The following THOC5 variants were observed in gnomAD, a reference collection of about 807,000 sequenced individuals.
THOC5 encodes the protein Fms-interacting protein.
In THOC5, 43 loss-of-function variants were observed where a neutral mutation model predicts 92.9. That is an observed-to-expected ratio of 0.46 (90% CI 0.36 to 0.60). The LOEUF (loss-of-function observed/expected upper bound fraction) is 0.60. THOC5 is among the 20% of genes least tolerant of loss of function. The pLI is 0.00. For synonymous variants in THOC5, 296 were observed against 320.1 expected, an observed-to-expected ratio of 0.92 and a Z score of 0.80; for missense variants, 659 against 849.4, an observed-to-expected ratio of 0.78 and a Z score of 2.79.
chr22:29,528,166 T>C lies in THOC5; in HGVS notation c.978A>G (p.Arg326=). The change falls in exon 11 of 20, where the codon AGA becomes AGG. Residue 326 remains arginine, a synonymous_variant. Coordinates refer to ENST00000490103, the MANE Select transcript of THOC5 (RefSeq NM_003678.5). ...AEEEQTTKRR[R]PTLGVQLDDK... The stretch of plus-strand genomic sequence containing the variant: ...CGTCCAACTGAACCCCCAGTGTGGG[T>C]CTCCGGCGCTTCTGGACAAAGGAAA... 10 of 1,614,058 alleles carry C rather than the reference T, an allele frequency of 6.2e-6. No individual in the cohort carries two copies. The highest frequency in any genetic ancestry group is 8.5e-6 in the Non-Finnish European group (10 of 1,180,020).
At chr22:29,511,514 CAT>C (rs2063221940) in intron 18 of THOC5, 2 of 542,404 alleles carry the variant, frequency 3.7e-6, no homozygotes, top group Non-Finnish European at 6.5e-6. Flanking sequence ...TTCCCTGCCT[CAT>C]ATGCCCACAG....
At chr22:29,525,136 C>T (rs2063518380) in intron 12 of THOC5, among the ~76,000 whole-genome samples, 1 of 152,074 alleles carries the variant, frequency 6.6e-6, no homozygotes, top group Admixed American at 6.6e-5. Context: ...GTCAGCCAGG[C>T]ATGGTGGCAT....
intron 12 of THOC5, 145 bp downstream of exon 12, chr22:29,525,693 A>AC (rs2063528434): frequency 3.7e-6 from 2 of 547,884 alleles, no homozygotes; most frequent in Non-Finnish European, 6.6e-6. Context: ...ATGTGCCAGG[A>AC]CTTCTGGTCC....
In THOC5 at chr22:29,528,856, T is replaced by G. The variant is rs2063596954; in HGVS notation, c.925+306A>C. 1.2e-5 allele frequency: 6 copies of G among 503,266 alleles called. No homozygotes were observed. The Admixed American group carries it at 2.2e-4, about 18-fold the overall frequency. The allele number at this position is 503,266 out of a possible 1,614,324, so 31.2% of individuals were successfully genotyped here. Reference sequence around the variant, plus strand: ...AAGGCTGTATGTGCATTACCTTATTTAATCCACATAACAATCCTACATGAG... The same window carrying G: ...AAGGCTGTATGTGCATTACCTTATTGAATCCACATAACAATCCTACATGAG... On this transcript the variant is annotated intron_variant, in intron 9 of 19. Transcript: ENST00000490103.
chr22:29,524,148 A>G (rs1308436185), intron 12 of THOC5, among the ~76,000 whole-genome samples: 4 of 152,194 alleles, frequency 2.6e-5, no homozygotes, highest in Admixed American at 6.5e-5. Flanking sequence ...TTTGGGGGTC[A>G]GGGCCCACCT....
At chr22:29,549,185 T>C (rs1354170357) in intron 1 of THOC5, 27 bp from the exon 2 acceptor site, 29 of 1,604,358 alleles carry the variant, frequency 1.8e-5, no homozygotes, top group Non-Finnish European at 2.5e-5. Context: ...GTTTTTGAGA[T>C]TCTTCTGGAG....
At chr22:29,529,397 C>A (rs937947153) in intron 8 of THOC5, among the ~76,000 whole-genome samples, 158 bp from the exon 9 acceptor site, 3 of 152,218 alleles carry the variant, frequency 2.0e-5, no homozygotes, top group Admixed American at 1.3e-4. Context: ...TGAAGGGAAA[C>A]AAGGTGGGAC....
At chr22:29,526,484 A>T (rs1464586982) in intron 11 of THOC5, among the ~76,000 whole-genome samples, 1 of 152,136 alleles carries the variant, frequency 6.6e-6, no homozygotes, top group East Asian at 1.9e-4. Context: ...GTGAGCAGAG[A>T]TCACGCCACT....
chr22:29,529,295 T>A, intron 8 of THOC5, 56 bp from the exon 9 acceptor site: 1 of 1,584,812 alleles, frequency 6.3e-7, no homozygotes, highest in Non-Finnish European at 8.7e-7. Flanking sequence ...TGCTAAGCAG[T>A]GTGAGTAGGC....
intron 17 of THOC5, among the ~76,000 whole-genome samples, chr22:29,515,586 G>C (rs966120000): frequency 6.6e-6 from 1 of 151,662 alleles, no homozygotes; most frequent in Non-Finnish European, 1.5e-5. Flanking sequence ...CAGCACTTTG[G>C]GAGGCCGAGT....
intron 8 of THOC5, among the ~76,000 whole-genome samples, chr22:29,530,211 G>A (rs574384001): frequency 6.6e-6 from 1 of 151,820 alleles, no homozygotes; most frequent in South Asian, 2.1e-4. Context: ...GCTGATGCTT[G>A]TAATTTTAAT....
At position 29,520,995 on chromosome 22, in the gene THOC5, C is replaced by T. The variant is rs1348041763; in HGVS notation, c.1277+3G>A. 1 of 1,612,848 alleles carries T rather than the reference C, an allele frequency of 6.2e-7. No homozygotes were observed. Among genetic ancestry groups the T allele is most frequent in the Admixed American group, 1.7e-5 (1 of 59,992 alleles). On this transcript the variant is annotated splice_donor_region_variant and intron_variant, in intron 13 of 19. Coordinates refer to ENST00000490103, the MANE Select transcript of THOC5 (RefSeq NM_003678.5). ...CTCGGAGAGGAGGAAACTGCTGACT[C>T]ACCCAACTTTATCAAACTGATACTG...
At chr22:29,528,793 A>G (rs950045052) in intron 9 of THOC5, 9 of 503,968 alleles carry the variant, frequency 1.8e-5, no homozygotes, top group East Asian at 1.4e-4. Flanking sequence ...AGAAGCATGC[A>G]TAACTTGAGG....
chr22:29,538,370 A>G (rs1177432168), intron 6 of THOC5, among the ~76,000 whole-genome samples: 1 of 152,232 alleles, frequency 6.6e-6, no homozygotes, highest in Non-Finnish European at 1.5e-5. Flanking sequence ...ACCAGAATAT[A>G]CACTAGAATG....
At chr22:29,545,690 G>C (rs2064002503) in intron 2 of THOC5, among the ~76,000 whole-genome samples, 1 of 152,200 alleles carries the variant, frequency 6.6e-6, no homozygotes, top group Non-Finnish European at 1.5e-5. Context: ...TGATGCAAAA[G>C]GTGGCTTCCC....
chr22:29,524,808 G>A (rs547025896), intron 12 of THOC5, among the ~76,000 whole-genome samples: 1 of 152,308 alleles, frequency 6.6e-6, no homozygotes, highest in African/African-American at 2.4e-5. Flanking sequence ...GAACTGGCAG[G>A]GGTGGAAAGA....
At chr22:29,553,113 G>C (rs951597331) in intron 1 of THOC5, among the ~76,000 whole-genome samples, 3 of 152,244 alleles carry the variant, frequency 2.0e-5, no homozygotes, top group South Asian at 2.1e-4. Flanking sequence ...GAAGGCTGCA[G>C]GGTCCTCTGC....
At chr22:29,549,027 G>C in intron 2 of THOC5, 25 bp downstream of exon 2, 1 of 1,610,272 alleles carries the variant, frequency 6.2e-7, no homozygotes, top group Non-Finnish European at 8.5e-7. Context: ...TTTCTCAGCA[G>C]CATGGCAACC....
At position 29,517,018 on chromosome 22, in the gene THOC5, A is replaced by C; in HGVS notation, c.1681+11T>G. ...TTTGTCTAGAACCCCTGTAATCAGC[A>C]GAGCAATTACCTGTGCCCCTTTCGA... On this transcript the variant is annotated intron_variant, in intron 17 of 19. Coordinates refer to ENST00000490103, the MANE Select transcript of THOC5 (RefSeq NM_003678.5). The C allele has an allele frequency of 6.2e-7, 1 of 1,613,788 alleles. No homozygotes were observed. The highest frequency in any genetic ancestry group is 1.1e-5 in the South Asian group (1 of 91,072).
Sources: gnomAD v4.1 joint callset for allele counts (sites outside exome capture counted in the v4.1 genomes callset) on GRCh38, gnomAD v4.1.1 for gene constraint, MANE v1.5 for transcripts, NCBI Gene and HGNC (gene_info 2026-07-23, HGNC 2026-07-21) for gene names.